WRN: variants seen among roughly 807,000 people sequenced by gnomAD.
The protein encoded by WRN is bifunctional 3'-5' exonuclease/ATP-dependent helicase WRN.
A neutral mutation model predicts 180.7 loss-of-function variants in WRN; 149 were observed. The ratio of observed to expected loss-of-function variants is 0.82; its 90% CI spans 0.72 to 0.94. The LOEUF (loss-of-function observed/expected upper bound fraction) is 0.94. Among genes scored for constraint, WRN ranks in the 40% least tolerant of loss-of-function variants. The pLI is 0.00. For missense variants in WRN, 1,661 were observed against 1,700.1 expected (o/e 0.98, Z 0.40); for synonymous variants, 548 against 568.9 (o/e 0.96, Z 0.52).
At chr8:31,086,433 G>A (rs1199190914) in intron 11 of WRN, among the ~76,000 whole-genome samples, 1 of 152,076 alleles carries the variant, frequency 6.6e-6, no homozygotes, top group African/African-American at 2.4e-5. Context: ...AATTGGCTGG[G>A]TGTGGTGGCA....
chr8:31,152,624 A>T (rs1803182876), intron 31 of WRN, among the ~76,000 whole-genome samples: 1 of 152,186 alleles, frequency 6.6e-6, no homozygotes. Context: ...GGCAAAGCTT[A>T]CCTAAGCACT....
rs1292564663 is a variant in WRN at position 31,081,140 on chromosome 8, AG to A, written c.1114del (p.Asp372MetfsTer7). 10 of 1,613,956 alleles carry A rather than the reference AG, an allele frequency of 6.2e-6. No individual in the cohort carries two copies. The highest frequency in any genetic ancestry group is 8.5e-6 in the Non-Finnish European group (10 of 1,179,968). On this transcript the variant is annotated frameshift_variant, in exon 9 of 35. Transcript: ENST00000298139. LOFTEE classifies it high-confidence loss of function. ...TTGGAAATAAAGTGGAACGAAAAGA[AG>A]ATGGATTTGAAGATGGAGTAGAAGA... ...VLGNKVERKE[D>X]GFEDGVEDNK...
At chr8:31,158,879 G>A (rs141583424) in intron 33 of WRN, among the ~76,000 whole-genome samples, 75 of 151,916 alleles carry the variant, frequency 4.9e-4, no homozygotes, top group African/African-American at 1.5e-3. Flanking sequence ...AGTGGCCAGG[G>A]GACTTCAGGT....
intron 12 of WRN, 36 bp downstream of exon 12, chr8:31,087,956 T>C: frequency 6.2e-7 from 1 of 1,602,848 alleles, no homozygotes; most frequent in East Asian, 2.2e-5. Context: ...GACTCACCTG[T>C]GATACCTACC....
At chr8:31,070,822 A>G (rs1019895388) in intron 7 of WRN, among the ~76,000 whole-genome samples, 1 of 152,156 alleles carries the variant, frequency 6.6e-6, no homozygotes, top group Non-Finnish European at 1.5e-5. Flanking sequence ...AGGTGGGTGG[A>G]TCACCTGAGG....
chr8:31,051,237 C>G (rs1434908339), intron 1 of WRN, among the ~76,000 whole-genome samples: 3 of 152,072 alleles, frequency 2.0e-5, no homozygotes, highest in Non-Finnish European at 2.9e-5. Context: ...TCCACCAAAA[C>G]CCAACTTTCT....
At chr8:31,110,496 G>T (rs1176338757) in intron 18 of WRN, among the ~76,000 whole-genome samples, 3 of 151,964 alleles carry the variant, frequency 2.0e-5, no homozygotes, top group African/African-American at 7.2e-5. Flanking sequence ...TATAAGTTTG[G>T]AGATAATTTT....
At chr8:31,112,746 C>T (rs999576848) in intron 19 of WRN, among the ~76,000 whole-genome samples, 23 of 151,960 alleles carry the variant, frequency 1.5e-4, no homozygotes, top group Non-Finnish European at 3.1e-4. Flanking sequence ...GCCACCATGC[C>T]AGGCTAATTT....
At position 31,143,715 on chromosome 8, in the gene WRN, T is replaced by C. The variant is rs187920096; in HGVS notation, c.3383+92T>C. On this transcript the variant is annotated intron_variant, in intron 28 of 34. Transcript: ENST00000298139. ...AACTGTCAGATGTTGGGCTATTTCA[T>C]TGGCAAAAGGAAGTTAAATTTAAAA... is the stretch of plus-strand genomic sequence containing the variant. 5.7e-4 allele frequency: 515 copies of C among 896,396 alleles called. 4 individuals are homozygous for C. In the African/African-American group the frequency reaches 7.3e-3, roughly 13 times the overall value. The allele number at this position is 896,396 out of a possible 1,614,324, so 55.5% of individuals were successfully genotyped here.
intron 18 of WRN, among the ~76,000 whole-genome samples, chr8:31,103,076 G>C (rs375707046): frequency 6.6e-6 from 1 of 152,018 alleles, no homozygotes; most frequent in South Asian, 2.1e-4. Context: ...CCTACACAGG[G>C]TCAGGATCAT....
intron 18 of WRN, among the ~76,000 whole-genome samples, chr8:31,107,981 G>C (rs1164195479): frequency 6.6e-6 from 1 of 152,208 alleles, no homozygotes; most frequent in African/African-American, 2.4e-5. Flanking sequence ...AATGAAGTAT[G>C]TGTGATGTTA....
chr8:31,164,138 C>T (rs1803754409), intron 33 of WRN, among the ~76,000 whole-genome samples: 1 of 152,080 alleles, frequency 6.6e-6, no homozygotes, highest in Admixed American at 6.6e-5. Flanking sequence ...GAGCCCAGCC[C>T]TCTTTTATTT....
chr8:31,117,652 G>A (rs991505802), intron 20 of WRN, among the ~76,000 whole-genome samples: 5 of 151,988 alleles, frequency 3.3e-5, no homozygotes, highest in Admixed American at 2.0e-4. Flanking sequence ...TTCAGCTCTT[G>A]CATTTTCTGT....
intron 23 of WRN, among the ~76,000 whole-genome samples, chr8:31,127,772 A>T (rs534803223): frequency 6.6e-6 from 1 of 151,986 alleles, no homozygotes; most frequent in Admixed American, 6.6e-5. Flanking sequence ...TAAATAAAAA[A>T]AATTAGCTAG....
chr8:31,164,985 A>C (rs779867818), intron 33 of WRN, among the ~76,000 whole-genome samples: 3 of 152,134 alleles, frequency 2.0e-5, no homozygotes, highest in African/African-American at 7.2e-5. Context: ...AATGTATTAG[A>C]AAAATATATG....
chr8:31,141,634 A>G, intron 25 of WRN, 34 bp downstream of exon 25: 1 of 1,614,082 alleles, frequency 6.2e-7, no homozygotes, highest in Non-Finnish European at 8.5e-7. Context: ...GTTTGACTTA[A>G]TTTTGTTTCC....
intron 4 of WRN, 73 bp from the exon 5 acceptor site, chr8:31,064,842 G>A: frequency 6.7e-7 from 1 of 1,484,240 alleles, no homozygotes; most frequent in Non-Finnish European, 9.3e-7. Flanking sequence ...CATAAACATG[G>A]TATGTATAAG....
intron 1 of WRN, among the ~76,000 whole-genome samples, chr8:31,043,310 G>A (rs1811726251): frequency 6.6e-6 from 1 of 152,180 alleles, no homozygotes; most frequent in South Asian, 2.1e-4. Flanking sequence ...ATTATGGCCA[G>A]GAGATGGAGG....
intron 1 of WRN, among the ~76,000 whole-genome samples, chr8:31,035,957 T>A (rs1811438528): frequency 6.6e-6 from 1 of 152,148 alleles, no homozygotes; most frequent in Admixed American, 6.5e-5. Flanking sequence ...TCTCAAACCC[T>A]ATGATATTCC....
Sources: gnomAD v4.1 joint callset for allele counts (sites outside exome capture counted in the v4.1 genomes callset) on GRCh38, gnomAD v4.1.1 for gene constraint, MANE v1.5 for transcripts, NCBI Gene and HGNC (gene_info 2026-07-23, HGNC 2026-07-21) for gene names.